The following DIP2C variants were observed in gnomAD, a reference collection of about 807,000 sequenced individuals.
DIP2C encodes the protein disco-interacting protein 2 homolog C.
In DIP2C, 33 loss-of-function variants were observed where a neutral mutation model predicts 192.4. The ratio of observed to expected loss-of-function variants is 0.17; its 90% CI spans 0.13 to 0.23. DIP2C has a LOEUF of 0.23. Among genes scored for constraint, DIP2C ranks in the 10% least tolerant of loss-of-function variants. The pLI is 1.00. For synonymous variants in DIP2C, 979 were observed against 864.1 expected (o/e 1.13, Z -2.33); for missense variants, 1,537 against 2,110.1 (o/e 0.73, Z 5.32).
intron 29 of DIP2C, among the ~76,000 whole-genome samples, chr10:334,139 T>C (rs527936009): frequency 9.3e-4 from 141 of 151,962 alleles, no homozygotes; most frequent in African/African-American, 3.2e-3. Context: ...ACACTGTCTC[T>C]ACTAAAAATA....
intron 1 of DIP2C, among the ~76,000 whole-genome samples, chr10:627,033 C>A (rs1472017650): frequency 6.6e-6 from 1 of 152,250 alleles, no homozygotes; most frequent in Non-Finnish European, 1.5e-5. Flanking sequence ...CCTCCTTCCA[C>A]AAAAGGTGCC....
intron 1 of DIP2C, among the ~76,000 whole-genome samples, chr10:517,717 TTTGA>T (rs1169530716): frequency 6.6e-5 from 10 of 152,326 alleles, no homozygotes; most frequent in African/African-American, 1.9e-4. Flanking sequence ...AGATGGTCCC[TTTGA>T]TTGACGGCTT....
At chr10:683,447 A>G (rs1831201535) in intron 1 of DIP2C, among the ~76,000 whole-genome samples, 1 of 152,172 alleles carries the variant, frequency 6.6e-6, no homozygotes, top group Non-Finnish European at 1.5e-5. Flanking sequence ...TGGCACACAC[A>G]CAGAAGGAAG....
intron 2 of DIP2C, among the ~76,000 whole-genome samples, chr10:481,761 G>T (rs1843629106): frequency 6.6e-6 from 1 of 152,198 alleles, no homozygotes; most frequent in African/African-American, 2.4e-5. Context: ...TGCCCTCAGG[G>T]ACACTGCACA....
chr10:500,754 A>AC (rs1212612035), intron 1 of DIP2C, among the ~76,000 whole-genome samples: 3 of 152,260 alleles, frequency 2.0e-5, no homozygotes, highest in Admixed American at 2.0e-4. Context: ...TAAACAAATC[A>AC]CCTCATCTGG....
chr10:640,459 C>G (rs1855107969), intron 1 of DIP2C, among the ~76,000 whole-genome samples: 1 of 152,224 alleles, frequency 6.6e-6, no homozygotes, highest in African/African-American at 2.4e-5. Context: ...TGCGCCCTGA[C>G]AGCCTCGGAC....
intron 1 of DIP2C, among the ~76,000 whole-genome samples, chr10:619,393 C>CA (rs1217461358): frequency 1.3e-5 from 2 of 152,254 alleles, no homozygotes; most frequent in Admixed American, 6.5e-5. Context: ...TTGCCTCCCT[C>CA]AGCCTCTAGA....
chr10:685,135 CAAAAAAAAAAAAAAAAAA>C lies in DIP2C; in HGVS notation c.85+4341_85+4358del, dbSNP rs140709069. ...GGCAACAAGAGTGAAACTTGGTCCC[CAAAAAAAAAAAAAAAAAA>C]AAAAAAAAATATATATATATATATA... On this transcript the variant is annotated intron_variant, in intron 1 of 36. Transcript: ENST00000280886. 4.1e-4 allele frequency among the ~76,000 whole-genome samples: 30 copies of C among 72,962 alleles called. 1 individual carries two copies. Among genetic ancestry groups the C allele is most frequent in the African/African-American group, 1.9e-3 (27 of 13,888 alleles). The allele number at this position is 72,962 out of a possible 152,430, so 47.9% of individuals were successfully genotyped here.
intron 10 of DIP2C, among the ~76,000 whole-genome samples, chr10:391,526 G>A (rs922906263): frequency 2.0e-5 from 3 of 152,314 alleles, no homozygotes; most frequent in Admixed American, 1.3e-4. Flanking sequence ...ACAGACCTAC[G>A]CCAGTCGTCA....
chr10:436,640 T>TGA (rs1330935528), intron 4 of DIP2C, among the ~76,000 whole-genome samples: 1 of 146,718 alleles, frequency 6.8e-6, no homozygotes, highest in Non-Finnish European at 1.5e-5. Flanking sequence ...CGTGGTAGGG[T>TGA]GATATACTCT....
At chr10:494,231 G>T (rs1469129878) in intron 1 of DIP2C, among the ~76,000 whole-genome samples, 3 of 152,198 alleles carry the variant, frequency 2.0e-5, no homozygotes, top group African/African-American at 7.2e-5. Context: ...GAAAGAAGTG[G>T]GCTAACCTCA....
At chr10:454,069 A>T (rs1969080599) in intron 3 of DIP2C, among the ~76,000 whole-genome samples, 1 of 152,236 alleles carries the variant, frequency 6.6e-6, no homozygotes, top group African/African-American at 2.4e-5. Flanking sequence ...GTGAATTTGG[A>T]GCTGAGAGGC....
At chr10:676,787 G>C (rs753094956) in intron 1 of DIP2C, among the ~76,000 whole-genome samples, 3 of 152,030 alleles carry the variant, frequency 2.0e-5, no homozygotes, top group Non-Finnish European at 4.4e-5. Context: ...GACAGGAAAG[G>C]GTGGCGGGAA....
chr10:391,416 G>A (rs1425986403), intron 10 of DIP2C, among the ~76,000 whole-genome samples: 1 of 152,232 alleles, frequency 6.6e-6, no homozygotes, highest in Non-Finnish European at 1.5e-5. Context: ...CGAACTAACT[G>A]AAGCTTGCTG....
At position 277,015 on chromosome 10, in the gene DIP2C, G is replaced by A. The variant is rs1589365657; in HGVS notation, c.*310C>T. On this transcript the variant is annotated 3_prime_UTR_variant, in exon 37 of 37. Coordinates refer to ENST00000280886, the MANE Select transcript of DIP2C (RefSeq NM_014974.3). Reference sequence around the variant, plus strand: ...CGGCTTAACAAAATACCACATTTACGAAGAAAGCACTTATTATCCAATAAT... The same window carrying A: ...CGGCTTAACAAAATACCACATTTACAAAGAAAGCACTTATTATCCAATAAT... 5 of 268,272 alleles carry A rather than the reference G, an allele frequency of 1.9e-5. No individual in the cohort carries two copies. Among genetic ancestry groups the A allele is most frequent in the South Asian group, 8.0e-5 (1 of 12,462 alleles). The allele number at this position is 268,272 out of a possible 1,614,324, so 16.6% of individuals were successfully genotyped here.
intron 1 of DIP2C, among the ~76,000 whole-genome samples, chr10:634,003 C>T (rs1564289623): frequency 6.6e-6 from 1 of 152,226 alleles, no homozygotes; most frequent in Non-Finnish European, 1.5e-5. Flanking sequence ...AAGGGACAAG[C>T]CTGTTGTCCC....
At chr10:558,886 T>C (rs1849045359) in intron 1 of DIP2C, among the ~76,000 whole-genome samples, 1 of 152,014 alleles carries the variant, frequency 6.6e-6, no homozygotes, top group South Asian at 2.1e-4. Flanking sequence ...GAAGGAGACT[T>C]GGAGAACACA....
At chr10:400,588 T>C (rs1307582015) in intron 9 of DIP2C, among the ~76,000 whole-genome samples, 1 of 151,898 alleles carries the variant, frequency 6.6e-6, no homozygotes, top group South Asian at 2.1e-4. Flanking sequence ...CTCTTCCTTA[T>C]GGACAAGTTT....
intron 1 of DIP2C, among the ~76,000 whole-genome samples, chr10:591,655 C>T (rs1851409238): frequency 2.0e-5 from 3 of 152,160 alleles, no homozygotes; most frequent in Non-Finnish European, 2.9e-5. Flanking sequence ...CTTCCCTTTT[C>T]ATCTGCCTGC....
Sources: gnomAD v4.1 joint callset for allele counts (sites outside exome capture counted in the v4.1 genomes callset) on GRCh38, gnomAD v4.1.1 for gene constraint, MANE v1.5 for transcripts, NCBI Gene and HGNC (gene_info 2026-07-23, HGNC 2026-07-21) for gene names.